Variants in SLC6A6 observed in about 807,000 individuals in gnomAD.
SLC6A6 encodes solute carrier family 6 member 6, also known as sodium- and chloride-dependent taurine transporter.
A neutral mutation model predicts 68.8 loss-of-function variants in SLC6A6; 16 were observed. The observed-to-expected ratio is 0.23, with a 90% CI of 0.16 to 0.35. The LOEUF (loss-of-function observed/expected upper bound fraction) is 0.35. Ranked by LOEUF, SLC6A6 falls within the 10% of genes least tolerant of loss-of-function variation. The probability of loss-of-function intolerance (pLI) is 1.00; values close to 1 mark genes in which losing one functional copy is unlikely to be tolerated. For synonymous variants in SLC6A6, 312 were observed against 315.4 expected, an observed-to-expected ratio of 0.99 and a Z score of 0.12; for missense variants, 474 against 802.8, an observed-to-expected ratio of 0.59 and a Z score of 4.95.
At chr3:14,471,235 A>G (rs1279372720) in intron 9 of SLC6A6, among the ~76,000 whole-genome samples, 4 of 146,702 alleles carry the variant, frequency 2.7e-5, no homozygotes, top group Admixed American at 7.0e-5. Flanking sequence ...TTCCGTTGGC[A>G]TCCGCTTTCA....
intron 2 of SLC6A6, among the ~76,000 whole-genome samples, chr3:14,419,408 G>A (rs867948826): frequency 1.4e-4 from 21 of 152,304 alleles, no homozygotes; most frequent in African/African-American, 4.6e-4. Context: ...GGCATGATGC[G>A]GACATGGGAA....
chr3:14,419,105 A>G (rs1391905735), intron 2 of SLC6A6, among the ~76,000 whole-genome samples: 5 of 152,234 alleles, frequency 3.3e-5, no homozygotes, highest in Non-Finnish European at 1.5e-5. Flanking sequence ...GAGGTTGCCA[A>G]TGTTCCTCTT....
At chr3:14,457,097 G>A (rs1221952314) in intron 5 of SLC6A6, among the ~76,000 whole-genome samples, 1 of 152,210 alleles carries the variant, frequency 6.6e-6, no homozygotes, top group Non-Finnish European at 1.5e-5. Context: ...GAATGTCTGG[G>A]AGTAGGTACT....
In SLC6A6 at chr3:14,485,141, TGTG is replaced by T; in HGVS notation, c.*136_*138del. ...TTGTAATTGTCACAGAAAATGTAAT[TGTG>T]GGTATGTGTGCGTGCGTGTGTGTGT... On this transcript the variant is annotated 3_prime_UTR_variant, in exon 15 of 15. Coordinates refer to ENST00000622186, the MANE Select transcript of SLC6A6 (RefSeq NM_003043.6). The T allele has an allele frequency of 1.6e-6, 1 of 620,392 alleles. No individual in the cohort carries two copies. The highest frequency in any genetic ancestry group is 2.1e-5 in the South Asian group (1 of 48,118). The allele number at this position is 620,392 out of a possible 1,614,324, so 38.4% of individuals were successfully genotyped here. A position where few individuals can be genotyped will look rare whatever the true frequency, so the allele number is the denominator to read the frequency against.
Position 14,472,443 on chromosome 3 carries a change from A to G in SLC6A6, c.1209+126A>G. 1.5e-6 allele frequency: 1 copy of G among 665,714 alleles called. No individual in the cohort carries two copies. Among genetic ancestry groups the G allele is most frequent in the Non-Finnish European group, 2.7e-6 (1 of 372,320 alleles). The allele number at this position is 665,714 out of a possible 1,614,324, so 41.2% of individuals were successfully genotyped here. The stretch of plus-strand genomic sequence containing the variant: ...CCTCCAGTCAGACTTCCAGTGCTTC[A>G]GCTGTGAGGGTTCCTCCAGGACACC... On this transcript the variant is annotated intron_variant, in intron 10 of 14. Coordinates refer to ENST00000622186, the MANE Select transcript of SLC6A6 (RefSeq NM_003043.6). The surrounding 1 kb of genome is among the most constrained non-coding windows in gnomAD (Gnocchi z 4.5).
At chr3:14,448,007 CTGTT>C (rs1700169496) in intron 5 of SLC6A6, 191 bp downstream of exon 5, 1 of 1,382,232 alleles carries the variant, frequency 7.2e-7, no homozygotes, top group Non-Finnish European at 9.5e-7. Context: ...CACTTACTGG[CTGTT>C]TGACCTTAGG....
chr3:14,463,617 G>GC (rs1700546075), intron 6 of SLC6A6, among the ~76,000 whole-genome samples: 1 of 152,228 alleles, frequency 6.6e-6, no homozygotes, highest in African/African-American at 2.4e-5. Flanking sequence ...GGGGCGCCTG[G>GC]CCGCCTGTCC....
chr3:14,440,938 C>T (rs1699968771), intron 2 of SLC6A6, among the ~76,000 whole-genome samples: 1 of 152,144 alleles, frequency 6.6e-6, no homozygotes, highest in Non-Finnish European at 1.5e-5. Flanking sequence ...AAACCCCCAC[C>T]CCCATCCTGG....
At chr3:14,457,434 T>G (rs1700394381) in intron 5 of SLC6A6, among the ~76,000 whole-genome samples, 1 of 152,150 alleles carries the variant, frequency 6.6e-6, no homozygotes, top group Non-Finnish European at 1.5e-5. Flanking sequence ...TGACTTACAT[T>G]TTAGTGAGAG....
In SLC6A6 at chr3:14,450,538, T is replaced by C. The variant is rs1238823564; in HGVS notation, c.599+2722T>C. On this transcript the variant is annotated intron_variant, in intron 5 of 14. Transcript: ENST00000622186. The surrounding 1 kb of genome is among the most constrained non-coding windows in gnomAD (Gnocchi z 4.1). ...CTACCCCTGCACCCCTAGCCCCAGA[T>C]TCCAGCAGAGCTTTGTGAGACCACC... 3.9e-5 allele frequency among the ~76,000 whole-genome samples: 6 copies of C among 152,196 alleles called. No individual in the cohort carries two copies. The highest frequency in any genetic ancestry group is 3.9e-4 in the Admixed American group (6 of 15,282).
chr3:14,430,887 A>G (rs1402783786), intron 2 of SLC6A6, among the ~76,000 whole-genome samples: 1 of 152,100 alleles, frequency 6.6e-6, no homozygotes, highest in Non-Finnish European at 1.5e-5. Context: ...TTGTCTTGTC[A>G]CTGATCTGCT....
intron 5 of SLC6A6, among the ~76,000 whole-genome samples, chr3:14,449,557 A>G (rs1319897842): frequency 1.3e-5 from 2 of 152,120 alleles, no homozygotes; most frequent in East Asian, 3.9e-4. Flanking sequence ...TGCCTCAGAC[A>G]TTGACTGGCC....
At chr3:14,442,914 C>T (rs1403748921) in intron 2 of SLC6A6, among the ~76,000 whole-genome samples, 2 of 152,204 alleles carry the variant, frequency 1.3e-5, no homozygotes, top group African/African-American at 4.8e-5. Context: ...AGCACACTTG[C>T]ATAATCCTCA....
At chr3:14,415,642 G>A (rs1699345999) in intron 1 of SLC6A6, among the ~76,000 whole-genome samples, 1 of 152,194 alleles carries the variant, frequency 6.6e-6, no homozygotes. Flanking sequence ...GAGCTTTGCT[G>A]GTAGGAGGAG....
At chr3:14,411,806 C>T (rs1372686713) in intron 1 of SLC6A6, among the ~76,000 whole-genome samples, 1 of 152,202 alleles carries the variant, frequency 6.6e-6, no homozygotes, top group Non-Finnish European at 1.5e-5. Flanking sequence ...TCACTTGTTC[C>T]AGGCCCTGTC....
At chr3:14,473,321 G>A (rs2124989183) in intron 10 of SLC6A6, among the ~76,000 whole-genome samples, 1 of 152,342 alleles carries the variant, frequency 6.6e-6, no homozygotes, top group East Asian at 1.9e-4. Context: ...CCCTCAGGCA[G>A]CGCCATGCAC....
chr3:14,469,542 C>A (rs1442664439), intron 9 of SLC6A6, among the ~76,000 whole-genome samples: 3 of 152,358 alleles, frequency 2.0e-5, no homozygotes, highest in African/African-American at 7.2e-5. Context: ...AACCTGAGAG[C>A]AAGGGCTTTG....
intron 2 of SLC6A6, among the ~76,000 whole-genome samples, chr3:14,441,605 G>A (rs1004281625): frequency 6.6e-6 from 1 of 152,206 alleles, no homozygotes; most frequent in Non-Finnish European, 1.5e-5. Flanking sequence ...AGGTGTGGGG[G>A]AAACGGGGGT....
chr3:14,419,755 C>T (rs1699445414), intron 2 of SLC6A6, among the ~76,000 whole-genome samples: 1 of 152,114 alleles, frequency 6.6e-6, no homozygotes, highest in African/African-American at 2.4e-5. Flanking sequence ...GTGCCAAGCA[C>T]CCCACATGCA....
Sources: gnomAD v4.1 joint callset for allele counts (sites outside exome capture counted in the v4.1 genomes callset) on GRCh38, gnomAD v4.1.1 for gene constraint, Gnocchi (gnomAD v3.1) non-coding constraint, MANE v1.5 for transcripts, NCBI Gene and HGNC (gene_info 2026-07-23, HGNC 2026-07-21) for gene names.